Variants in JCAD observed in about 807,000 individuals in gnomAD.
JCAD encodes the protein junctional cadherin 5 associated.
JCAD carries 40 observed loss-of-function variants against 98.0 expected under a neutral mutation model. The ratio of observed to expected loss-of-function variants is 0.41; its 90% CI spans 0.32 to 0.53. JCAD has a LOEUF of 0.53. JCAD is among the 20% of genes least tolerant of loss of function. JCAD has a pLI of 0.31. For missense variants in JCAD, 1,705 were observed against 1,738.1 expected (o/e 0.98, Z 0.34); for synonymous variants, 691 against 682.3 (o/e 1.01, Z -0.20).
At chr10:30,047,397 A>G (rs1044871428) in intron 2 of JCAD, 135 bp downstream of exon 2, 39 of 1,082,484 alleles carry the variant, frequency 3.6e-5, no homozygotes, top group Non-Finnish European at 5.0e-5. Flanking sequence ...AAAGCAAAAA[A>G]AGTGTTCTTG....
upstream of JCAD, among the ~76,000 whole-genome samples, chr10:30,060,204 A>G (rs1177150496): frequency 1.3e-5 from 2 of 152,144 alleles, no homozygotes; most frequent in Non-Finnish European, 2.9e-5. Flanking sequence ...CTTGGGATTT[A>G]CTTCTTTCAA....
intron 1 of JCAD, among the ~76,000 whole-genome samples, chr10:30,073,673 C>CCTTCCTTCCTTCCTTT (rs1554800612): frequency 1.4e-5 from 1 of 69,996 alleles, no homozygotes; most frequent in Non-Finnish European, 3.4e-5. Flanking sequence ...TTCCTTCCTT[C>CCTTCCTTCCTTCCTTT]CTTCCTTGCT....
At chr10:30,102,437 C>T (rs975737804) in intron 1 of JCAD, among the ~76,000 whole-genome samples, 2 of 152,164 alleles carry the variant, frequency 1.3e-5, no homozygotes, top group Admixed American at 1.3e-4. Context: ...TCCCAAAGTG[C>T]TGGGATTACA....
chr10:30,096,464 A>G (rs1270234680), intron 1 of JCAD, among the ~76,000 whole-genome samples: 1 of 152,228 alleles, frequency 6.6e-6, no homozygotes, highest in Non-Finnish European at 1.5e-5. Flanking sequence ...AAGCTGGCAC[A>G]TAATGAAAAT....
chr10:30,048,318 C>A (rs75254556), intron 1 of JCAD, among the ~76,000 whole-genome samples: 1 of 152,174 alleles, frequency 6.6e-6, no homozygotes, highest in Non-Finnish European at 1.5e-5. Context: ...TCTTAGGACA[C>A]GCCCCTGCTT....
In JCAD at chr10:30,102,859, C is replaced by T. The variant is rs138809159; in HGVS notation, n.128+12508G>A. 6.8e-3 allele frequency among the ~76,000 whole-genome samples: 1,040 copies of T among 152,282 alleles called. 15 individuals carry two copies. The highest frequency in any genetic ancestry group is 0.022 in the African/African-American group (933 of 41,568). On this transcript the variant is annotated intron_variant and non_coding_transcript_variant, in intron 1 of 2. Transcript: ENST00000465712. Reference sequence around the variant, plus strand: ...AGAAGGCAAATGAAGAGCAAAGTCACGTCTTACATGGCAGCAGGCAAGAGG... The same window carrying T: ...AGAAGGCAAATGAAGAGCAAAGTCATGTCTTACATGGCAGCAGGCAAGAGG...
chr10:30,085,874 G>A (rs984656500), intron 1 of JCAD, among the ~76,000 whole-genome samples: 4 of 151,980 alleles, frequency 2.6e-5, no homozygotes, highest in African/African-American at 7.3e-5. Flanking sequence ...TGACATCCCC[G>A]AGTGTTTGTT....
At chr10:30,091,295 G>A (rs752826157) in intron 1 of JCAD, among the ~76,000 whole-genome samples, 4 of 152,170 alleles carry the variant, frequency 2.6e-5, no homozygotes, top group African/African-American at 7.2e-5. Flanking sequence ...AGAGGATAAA[G>A]ATAGGTTATA....
chr10:30,040,467 T>C (rs1278292303), intron 2 of JCAD, among the ~76,000 whole-genome samples: 6 of 152,270 alleles, frequency 3.9e-5, no homozygotes, highest in Admixed American at 6.5e-5. Flanking sequence ...AGTGCCATGA[T>C]AGACATGGAG....
At chr10:30,111,772 C>T (rs1475293411) in intron 1 of JCAD, among the ~76,000 whole-genome samples, 1 of 152,182 alleles carries the variant, frequency 6.6e-6, no homozygotes, top group Admixed American at 6.5e-5. Context: ...TCACACTTCA[C>T]ACCCAGTAGG....
intron 1 of JCAD, among the ~76,000 whole-genome samples, chr10:30,090,329 G>C (rs956200667): frequency 6.6e-6 from 1 of 152,200 alleles, no homozygotes; most frequent in Non-Finnish European, 1.5e-5. Context: ...ATCACTTGAG[G>C]TCAGGAGTTT....
chr10:30,020,510 C>A (rs931896278), intron 3 of JCAD, among the ~76,000 whole-genome samples: 1 of 152,108 alleles, frequency 6.6e-6, no homozygotes, highest in African/African-American at 2.4e-5. Flanking sequence ...ACAGGTATCA[C>A]GACTGTGATG....
chr10:30,058,400 G>T (rs1445800411), intron 1 of JCAD, among the ~76,000 whole-genome samples: 3 of 152,114 alleles, frequency 2.0e-5, no homozygotes, highest in African/African-American at 7.2e-5. Context: ...GGTGTGGGGA[G>T]GTGATGTGCC....
intron 1 of JCAD, among the ~76,000 whole-genome samples, chr10:30,051,950 A>G (rs1466597173): frequency 1.3e-5 from 2 of 152,186 alleles, no homozygotes; most frequent in East Asian, 3.8e-4. Context: ...GATTTAACCA[A>G]CCTAGTCTCA....
rs761522681 is a variant in JCAD, at chr10:30,027,187, T to C, written c.2961A>G (p.Pro987=). The C allele has an allele frequency of 1.9e-6, 3 of 1,614,134 alleles. No homozygotes were observed. The highest frequency in any genetic ancestry group is 2.5e-6 in the Non-Finnish European group (3 of 1,180,018). ...GTTCAGCTGGATAGGACGCGGGCAG[T>C]GGTTTTGCGTCACTTGATCTTGAAG... ...RMSSRSSDAK[P]LPASYPAEPR... is the part of the protein sequence containing the mutation. Residue 987 remains proline (P), a synonymous_variant, in exon 3 of 4, where the codon CCA becomes CCG. Transcript: ENST00000375377.
At chr10:30,066,972 G>A (rs2132666498) in intron 2 of JCAD, among the ~76,000 whole-genome samples, 1 of 152,146 alleles carries the variant, frequency 6.6e-6, no homozygotes. Context: ...ACTCCAGCCT[G>A]GGCAACAGAG....
At position 30,028,454 on chromosome 10, in the gene JCAD, G is replaced by A; in HGVS notation, c.1694C>T (p.Thr565Ile). Residue 565 changes from threonine to isoleucine, a missense_variant, in exon 3 of 4, where the codon ACT becomes ATT. Thr to Ile is a moderately conservative substitution (Grantham distance 89). Transcript: ENST00000375377. ...TTTCTTTGAACTTTTCTTGGTCCGA[G>A]TCCCAGTTTGGAACTTTTTGAGCTT... ...QTKLKKFQTG[T>I]RTKKSSKKKM... 3 of 1,614,196 alleles carry A rather than the reference G, an allele frequency of 1.9e-6. No individual in the cohort carries two copies. Among genetic ancestry groups the A allele is most frequent in the Non-Finnish European group, 8.5e-7 (1 of 1,180,042 alleles).
chr10:30,028,869 C>T lies in JCAD; in HGVS notation c.1279G>A (p.Asp427Asn). Residue 427 changes from aspartate (D) to asparagine (N), a missense_variant, in exon 3 of 4, where the codon GAT (aspartate) becomes AAT (asparagine). Asp to Asn is a conservative substitution (Grantham distance 23). Around this residue, in one of 3 missense-constraint regions of JCAD, gnomAD observed 1,278 missense variants for 1,243.1 expected, o/e 1.03. Coordinates refer to ENST00000375377, the MANE Select transcript of JCAD (RefSeq NM_020848.4). ...YDGFVQYIPF[D>N]DPRLRHFKLA... ...TTAAAATGTCGTAACCGTGGATCAT[C>T]AAAGGGAATGTACTGAACGAAGCCG... 1.2e-6 allele frequency: 2 copies of T among 1,614,192 alleles called. No homozygotes were observed. Among genetic ancestry groups the T allele is most frequent in the Non-Finnish European group, 1.7e-6 (2 of 1,180,044 alleles).
At chr10:30,108,581 C>T (rs1443455062) in intron 1 of JCAD, among the ~76,000 whole-genome samples, 1 of 152,140 alleles carries the variant, frequency 6.6e-6, no homozygotes, top group Non-Finnish European at 1.5e-5. Context: ...ATTGTTCATT[C>T]ATTGAAGATA....
Sources: gnomAD v4.1 joint callset for allele counts (sites outside exome capture counted in the v4.1 genomes callset) on GRCh38, gnomAD v4.1.1 for gene constraint, gnomAD v4.1.1 regional missense constraint, MANE v1.5 for transcripts, NCBI Gene and HGNC (gene_info 2026-07-23, HGNC 2026-07-21) for gene names.